The following ATP1B1 variants were observed in gnomAD, a reference collection of about 807,000 sequenced individuals.
ATP1B1 encodes the protein ATPase Na+/K+ transporting subunit beta 1.
A neutral mutation model predicts 39.6 loss-of-function variants in ATP1B1; 3 were observed. The ratio of observed to expected loss-of-function variants is 0.08; its 90% CI spans 0.03 to 0.20. The LOEUF (loss-of-function observed/expected upper bound fraction) is 0.20. Among genes scored for constraint, ATP1B1 ranks in the 10% least tolerant of loss-of-function variants. The pLI is 1.00. For missense variants in ATP1B1, 216 were observed against 371.1 expected (o/e 0.58, Z 3.43); for synonymous variants, 139 against 135.0 (o/e 1.03, Z -0.20).
intron 2 of ATP1B1, among the ~76,000 whole-genome samples, chr1:169,123,717 C>T (rs1442617797): frequency 6.6e-6 from 1 of 151,788 alleles, no homozygotes; most frequent in Non-Finnish European, 1.5e-5. Context: ...ACCTCCGCCT[C>T]CCGGGTTCAA....
At chr1:169,107,715 T>C (rs576792063) in intron 1 of ATP1B1, among the ~76,000 whole-genome samples, 1 of 152,072 alleles carries the variant, frequency 6.6e-6, no homozygotes, top group East Asian at 1.9e-4. Context: ...CTTTTTTCCA[T>C]CGAAAATTAG....
At position 169,132,019 on chromosome 1, in the gene ATP1B1, ATTTT is replaced by A. The variant is rs34447553; in HGVS notation, c.*483_*486del. 50 of 190,862 alleles carry A rather than the reference ATTTT, an allele frequency of 2.6e-4. No homozygotes were observed. In the East Asian group the frequency reaches 5.2e-3, roughly 20 times the overall value. 11.8% of individuals were successfully genotyped at this position (190,862 alleles called of 1,614,324 possible). ...CAACGGGAATAAAACTGGCATGGTA[ATTTT>A]TTTTTTTTTTTTTTTTTTGTTTTTT... On this transcript the variant is annotated 3_prime_UTR_variant, in exon 6 of 6. Transcript: ENST00000367815.
Position 169,131,210 on chromosome 1 carries a change from G to C in ATP1B1, c.649-82G>C. ...CTCTCTCAGTAGTTTGCAAACTACT[G>C]TGTAGATTGAGTCTTGTTTTTGAGT... On this transcript the variant is annotated intron_variant, in intron 5 of 5. Transcript: ENST00000367815. This position sits in a 1 kb window ranked among gnomAD's most constrained non-coding sequence, Gnocchi z 4.4. The C allele has an allele frequency of 6.5e-7, 1 of 1,531,612 alleles. No homozygotes were observed. The highest frequency in any genetic ancestry group is 1.8e-5 in the Admixed American group (1 of 55,492). The allele number at this position is 1,531,612 out of a possible 1,614,324, so 94.9% of individuals were successfully genotyped here.
chr1:169,108,576 A>G (rs1472187447), intron 1 of ATP1B1, among the ~76,000 whole-genome samples: 2 of 152,088 alleles, frequency 1.3e-5, no homozygotes, highest in Non-Finnish European at 2.9e-5. Context: ...TTTTCCCCTT[A>G]GTATAATATG....
At chr1:169,109,636 AT>A (rs1390345696) in intron 1 of ATP1B1, among the ~76,000 whole-genome samples, 1 of 152,108 alleles carries the variant, frequency 6.6e-6, no homozygotes, top group African/African-American at 2.4e-5. Flanking sequence ...TCTTATTTGT[AT>A]TTTAAACTGT....
intron 2 of ATP1B1, among the ~76,000 whole-genome samples, chr1:169,115,200 G>GA (rs1014216645): frequency 4.5e-5 from 5 of 111,892 alleles, no homozygotes; most frequent in East Asian, 7.4e-4. Flanking sequence ...AAAAAAAAAA[G>GA]AAAAAAAAGG....
rs114987314 is a variant in ATP1B1 at position 169,115,782 on chromosome 1, G to T, written c.226+4284G>T. Among the ~76,000 whole-genome samples the T allele has an allele frequency of 8.3e-3, 1,257 of 152,304 alleles. 16 individuals are homozygous for T. Among genetic ancestry groups the T allele is most frequent in the African/African-American group, 0.029 (1,190 of 41,564 alleles). On this transcript the variant is annotated intron_variant, in intron 2 of 5. Coordinates refer to ENST00000367815, the MANE Select transcript of ATP1B1 (RefSeq NM_001677.4). ...GTCAATAAAACCTTAGCTTTCCATGGAAATGTTTAAGAGACATTTGGGAAA... is the reference window on the plus strand; with the variant it reads ...GTCAATAAAACCTTAGCTTTCCATGTAAATGTTTAAGAGACATTTGGGAAA...
intron 2 of ATP1B1, among the ~76,000 whole-genome samples, chr1:169,111,962 T>G (rs1354271137): frequency 6.6e-6 from 1 of 152,214 alleles, no homozygotes; most frequent in Non-Finnish European, 1.5e-5. Flanking sequence ...GTGAACTTAT[T>G]TTTAGAGATG....
At chr1:169,110,171 T>C (rs894773476) in intron 1 of ATP1B1, among the ~76,000 whole-genome samples, 1 of 152,150 alleles carries the variant, frequency 6.6e-6, no homozygotes, top group African/African-American at 2.4e-5. Flanking sequence ...GTTTAGTGCC[T>C]GATAGGAAAG....
intron 3 of ATP1B1, among the ~76,000 whole-genome samples, chr1:169,126,683 C>G (rs1190908313): frequency 5.3e-5 from 8 of 152,162 alleles, no homozygotes; most frequent in African/African-American, 1.9e-4. Context: ...CGCACTCCAA[C>G]CTAGGCCACG....
chr1:169,119,781 T>C (rs1343974883), intron 2 of ATP1B1, among the ~76,000 whole-genome samples: 1 of 150,144 alleles, frequency 6.7e-6, no homozygotes, highest in Non-Finnish European at 1.5e-5. Flanking sequence ...CTAAACCCAC[T>C]GTGAAGCTGA....
rs573000056 is a variant in ATP1B1 at position 169,128,425 on chromosome 1, T to C, written c.567+1017T>C. Reference sequence around the variant, plus strand: ...AAAATCAACACAGAGATAAAAAGTTTTGTTAACTGAAGGATGCATCAAAGT... The same window carrying C: ...AAAATCAACACAGAGATAAAAAGTTCTGTTAACTGAAGGATGCATCAAAGT... On this transcript the variant is annotated intron_variant, in intron 4 of 5. Coordinates refer to ENST00000367815, the MANE Select transcript of ATP1B1 (RefSeq NM_001677.4). 2.6e-5 allele frequency among the ~76,000 whole-genome samples: 4 copies of C among 152,312 alleles called. No individual in the cohort carries two copies. The South Asian group carries it at 8.3e-4, about 32-fold the overall frequency.
intron 2 of ATP1B1, among the ~76,000 whole-genome samples, chr1:169,117,135 GC>G (rs1657868166): frequency 6.6e-6 from 1 of 152,188 alleles, no homozygotes; most frequent in Admixed American, 6.5e-5. Flanking sequence ...AGAATACACT[GC>G]TTTGTAATCT....
rs747871442 is a variant in ATP1B1 at position 169,119,497 on chromosome 1, C to T, written c.227-5387C>T. ...GGGAGTTACCAGTGCAAACAGAGCTCATCCTTGTCCAGAGTCATAACTAAC... is the reference window on the plus strand; with the variant it reads ...GGGAGTTACCAGTGCAAACAGAGCTTATCCTTGTCCAGAGTCATAACTAAC... On this transcript the variant is annotated intron_variant, in intron 2 of 5. Coordinates refer to ENST00000367815, the MANE Select transcript of ATP1B1 (RefSeq NM_001677.4). 1.7e-4 allele frequency among the ~76,000 whole-genome samples: 26 copies of T among 152,178 alleles called. 1 individual carries two copies. Among genetic ancestry groups the T allele is most frequent in the Non-Finnish European group, 8.8e-5 (6 of 68,020 alleles).
chr1:169,118,686 T>C (rs556852338), intron 2 of ATP1B1, among the ~76,000 whole-genome samples: 1 of 152,338 alleles, frequency 6.6e-6, no homozygotes, highest in East Asian at 1.9e-4. Context: ...TACATATACG[T>C]GTGAGTATGT....
rs572395432 is a variant in ATP1B1 at position 169,126,115 on chromosome 1, G to A, written c.382+1076G>A. 1.1e-3 allele frequency among the ~76,000 whole-genome samples: 169 copies of A among 152,290 alleles called. 1 individual carries two copies. In the South Asian group the frequency reaches 0.014, roughly 12 times the overall value. ...CTGTGGCTTGGTCAGAGTATGGGGC[G>A]AATTGCCATTTTAAGTTATTTTGGA... On this transcript the variant is annotated intron_variant, in intron 3 of 5. Coordinates refer to ENST00000367815, the MANE Select transcript of ATP1B1 (RefSeq NM_001677.4).
In ATP1B1 at chr1:169,132,251, C is replaced by A. The variant is rs372178427; in HGVS notation, c.*696C>A. ...GGTTGTGTTATGCTTGTATTGAATG[C>A]TGTCTTGACATCTCTTGCCTTGTCC... On this transcript the variant is annotated 3_prime_UTR_variant, in exon 6 of 6. Transcript: ENST00000367815. The A allele has an allele frequency of 5.6e-4, 351 of 623,354 alleles. 3 individuals are homozygous for A. In the South Asian group the frequency reaches 6.2e-3, roughly 11 times the overall value. The allele number at this position is 623,354 out of a possible 1,614,324, so 38.6% of individuals were successfully genotyped here.
intron 2 of ATP1B1, among the ~76,000 whole-genome samples, chr1:169,117,812 A>G (rs1282535064): frequency 1.3e-5 from 2 of 152,232 alleles, no homozygotes; most frequent in Non-Finnish European, 2.9e-5. Context: ...AGCTGGGGAG[A>G]TGAAGGGAAC....
In ATP1B1 at chr1:169,127,817, A is replaced by T. The variant is rs559641783; in HGVS notation, c.567+409A>T. On this transcript the variant is annotated intron_variant, in intron 4 of 5. Transcript: ENST00000367815. ...CTTCATAAAGAATGGATTAAAAAAAAAATTTTAACCCACTTGCATGTATAG... is the reference window on the plus strand; with the variant it reads ...CTTCATAAAGAATGGATTAAAAAAATAATTTTAACCCACTTGCATGTATAG... Among the ~76,000 whole-genome samples the T allele has an allele frequency of 3.5e-4, 54 of 152,342 alleles. 1 individual carries two copies. The highest frequency in any genetic ancestry group is 1.0e-3 in the African/African-American group (43 of 41,580).
Sources: allele counts gnomAD v4.1 joint callset (sites outside exome capture counted in the v4.1 genomes callset), GRCh38; gene constraint gnomAD v4.1.1; non-coding constraint Gnocchi (gnomAD v3.1); transcripts MANE v1.5; gene names NCBI Gene and HGNC (gene_info 2026-07-23, HGNC 2026-07-21).